The following UMPS variants were observed in gnomAD, a reference collection of about 807,000 sequenced individuals.
UMPS encodes the protein uridine monophosphate synthetase.
Under a neutral mutation model 38.9 loss-of-function variants are expected in UMPS, and 21 were observed. That is an observed-to-expected ratio of 0.54 (90% confidence interval 0.38 to 0.78). UMPS has a LOEUF of 0.78. UMPS is among the 30% of genes least tolerant of loss of function. UMPS has a pLI of 0.00. For synonymous variants in UMPS, 208 were observed against 219.3 expected, an observed-to-expected ratio of 0.95 and a Z score of 0.45; for missense variants, 533 against 591.6, an observed-to-expected ratio of 0.90 and a Z score of 1.03.
rs771969442 is a variant in UMPS at position 124,744,110 on chromosome 3, C to G, written c.*26C>G. 1.2e-5 allele frequency: 20 copies of G among 1,612,914 alleles called. No homozygotes were observed. The highest frequency in any genetic ancestry group is 1.3e-5 in the African/African-American group (1 of 74,870). On this transcript the variant is annotated 3_prime_UTR_variant, in exon 6 of 6. Transcript: ENST00000232607. ...GTGCTTCAGATACATTTTTCAGATA[C>G]AATGTGAAGACATTGAAGATATGTG...
intron 1 of UMPS, among the ~76,000 whole-genome samples, chr3:124,734,707 A>G (rs942917706): frequency 6.6e-6 from 1 of 152,108 alleles, no homozygotes; most frequent in Non-Finnish European, 1.5e-5. Flanking sequence ...ACGTTGTTAC[A>G]TGTTTATACA....
rs1163411928 is a variant in UMPS at position 124,740,064 on chromosome 3, T to C, written c.1023T>C (p.Asn341=). The C allele has an allele frequency of 1.2e-6, 2 of 1,614,194 alleles. No homozygotes were observed. The highest frequency in any genetic ancestry group is 8.5e-7 in the Non-Finnish European group (1 of 1,180,032). ...TAGCTTCCTGGGCAGATCTAGTAAA[T>C]GCTCACGTGGTGCCAGGCTCAGGAG... The part of the protein sequence containing the change: ...FKIASWADLV[N]AHVVPGSGVV... Residue 341 remains asparagine, a synonymous_variant, in exon 4 of 6, where the codon AAT becomes AAC. Transcript: ENST00000232607.
At position 124,747,149 on chromosome 3, in the gene UMPS, C is replaced by T. The variant is rs116880739; in HGVS notation, c.*3065C>T. On this transcript the variant is annotated 3_prime_UTR_variant, in exon 6 of 6. Transcript: ENST00000232607. ...TCTCAAGTAGCTCTCAAGAGCCTCT[C>T]GAGTGGCTGGAACTACAGGCGTGCA... is the stretch of plus-strand genomic sequence containing the variant. 3.0e-4 allele frequency: 136 copies of T among 454,002 alleles called. No homozygotes were observed. In the East Asian group the frequency reaches 6.9e-3, roughly 23 times the overall value. 28.1% of individuals were successfully genotyped at this position (454,002 alleles called of 1,614,324 possible).
intron 3 of UMPS, chr3:124,738,863 C>T (rs1281148762): frequency 6.6e-6 from 1 of 152,662 alleles, no homozygotes; most frequent in Non-Finnish European, 1.5e-5. Flanking sequence ...ACTGCCTATT[C>T]TATGCAAATT....
chr3:124,731,034 A>C (rs905947393), intron 1 of UMPS, among the ~76,000 whole-genome samples: 3 of 152,168 alleles, frequency 2.0e-5, no homozygotes, highest in African/African-American at 7.2e-5. Context: ...GTTCGAGACC[A>C]GCCTGGGCAA....
rs766998702 is a variant in UMPS at position 124,747,252 on chromosome 3, G to A, written c.*3168G>A. Reference sequence around the variant, plus strand: ...TCTCACTGTGACTCAGTGTGTGCCCGACAGCAGAGCCCACACCACTCCAGT... The same window carrying A: ...TCTCACTGTGACTCAGTGTGTGCCCAACAGCAGAGCCCACACCACTCCAGT... On this transcript the variant is annotated 3_prime_UTR_variant, in exon 6 of 6. Transcript: ENST00000232607. 18 of 448,038 alleles carry A rather than the reference G, an allele frequency of 4.0e-5. No individual in the cohort carries two copies. The highest frequency in any genetic ancestry group is 2.0e-4 in the African/African-American group (10 of 48,902). 27.8% of individuals were successfully genotyped at this position (448,038 alleles called of 1,614,324 possible). A position where few individuals can be genotyped will look rare whatever the true frequency, so the allele number is the denominator to read the frequency against.
chr3:124,742,359 A>C, intron 5 of UMPS, 93 bp downstream of exon 5: 1 of 915,790 alleles, frequency 1.1e-6, no homozygotes, highest in South Asian at 1.3e-5. Context: ...ACACTTGCTT[A>C]AGAAAAGCCT....
intron 5 of UMPS, 23 bp from the exon 6 acceptor site, chr3:124,743,892 A>G (rs2063576280): frequency 6.2e-7 from 1 of 1,613,880 alleles, no homozygotes. Flanking sequence ...TATGTGAAAC[A>G]ACAATTTTTG....
At chr3:124,735,902 A>G (rs1052788737) in intron 2 of UMPS, among the ~76,000 whole-genome samples, 1 of 152,186 alleles carries the variant, frequency 6.6e-6, no homozygotes, top group African/African-American at 2.4e-5. Context: ...GCTTGAACCC[A>G]GGAGGTGGAG....
chr3:124,746,106 C>T lies in UMPS; in HGVS notation c.*2022C>T. The T allele has an allele frequency of 2.2e-6, 1 of 454,092 alleles. No homozygotes were observed. Among genetic ancestry groups the T allele is most frequent in the Non-Finnish European group, 4.4e-6 (1 of 226,746 alleles). The allele number at this position is 454,092 out of a possible 1,614,324, so 28.1% of individuals were successfully genotyped here. A position where few individuals can be genotyped will look rare whatever the true frequency, so the allele number is the denominator to read the frequency against. On this transcript the variant is annotated 3_prime_UTR_variant, in exon 6 of 6. Coordinates refer to ENST00000232607, the MANE Select transcript of UMPS (RefSeq NM_000373.4). ...GTGAGACAGCCTTGAGGTCTGCCTC[C>T]TGCTAAGAGTCACATGCTCCTGTCC...
At position 124,749,206 on chromosome 3, in the gene UMPS, G is replaced by GT. The variant is rs1350284229; in HGVS notation, c.*5124dup. 1 of 453,534 alleles carries GT rather than the reference G, an allele frequency of 2.2e-6. No individual in the cohort carries two copies. 28.1% of individuals were successfully genotyped at this position (453,534 alleles called of 1,614,324 possible). A position where few individuals can be genotyped will look rare whatever the true frequency, so the allele number is the denominator to read the frequency against. The stretch of plus-strand genomic sequence containing the variant: ...ATACTTGAAGCAGAGATGATGTTGA[G>GT]TTAAAAAAAATATATACATAAAAAT... On this transcript the variant is annotated 3_prime_UTR_variant, in exon 6 of 6. Transcript: ENST00000232607.
In UMPS at chr3:124,746,792, T is replaced by C. The variant is rs1165728154; in HGVS notation, c.*2708T>C. 3 of 410,228 alleles carry C rather than the reference T, an allele frequency of 7.3e-6. No homozygotes were observed. Among genetic ancestry groups the C allele is most frequent in the Middle Eastern group, 7.9e-4 (1 of 1,258 alleles). The allele number at this position is 410,228 out of a possible 1,614,324, so 25.4% of individuals were successfully genotyped here. ...GTGTGTGTGTGTGTGTGTGTGTGTG[T>C]GTGTGCATGCGCGCGCGTGCGCACT... is the stretch of plus-strand genomic sequence containing the variant. On this transcript the variant is annotated 3_prime_UTR_variant, in exon 6 of 6. Transcript: ENST00000232607.
Position 124,745,732 on chromosome 3 carries a change from GAGA to G in UMPS, c.*1653_*1655del, listed in dbSNP as rs1325147432. On this transcript the variant is annotated 3_prime_UTR_variant, in exon 6 of 6. Transcript: ENST00000232607. ...TGGGGAAGCCAAAAGTCATGAAGGG[GAGA>G]AGAATTTTCTGACAAAAACTTGCAG... The G allele has an allele frequency of 4.4e-6, 2 of 454,096 alleles. No individual in the cohort carries two copies. The highest frequency in any genetic ancestry group is 7.0e-5 in the East Asian group (1 of 14,380). The allele number at this position is 454,096 out of a possible 1,614,324, so 28.1% of individuals were successfully genotyped here.
chr3:124,731,162 C>T (rs185180382), intron 1 of UMPS, among the ~76,000 whole-genome samples: 4 of 152,150 alleles, frequency 2.6e-5, no homozygotes, highest in Admixed American at 2.0e-4. Flanking sequence ...GCTGTCATTG[C>T]GCCACTGCAC....
At position 124,747,161 on chromosome 3, in the gene UMPS, A is replaced by G. The variant is rs2063608258; in HGVS notation, c.*3077A>G. ...CTCAAGAGCCTCTCGAGTGGCTGGA[A>G]CTACAGGCGTGCACCACCACAGCTG... On this transcript the variant is annotated 3_prime_UTR_variant, in exon 6 of 6. Transcript: ENST00000232607. 1 of 453,878 alleles carries G rather than the reference A, an allele frequency of 2.2e-6. No homozygotes were observed. Among genetic ancestry groups the G allele is most frequent in the African/African-American group, 2.0e-5 (1 of 50,000 alleles). The allele number at this position is 453,878 out of a possible 1,614,324, so 28.1% of individuals were successfully genotyped here. A position where few individuals can be genotyped will look rare whatever the true frequency, so the allele number is the denominator to read the frequency against.
intron 5 of UMPS, chr3:124,742,596 AATT>A: frequency 3.9e-6 from 1 of 253,252 alleles, no homozygotes; most frequent in Non-Finnish European, 7.6e-6. Context: ...AAGCCCTAAT[AATT>A]GTTTGACTAG....
Position 124,741,782 on chromosome 3 carries a change from G to A in UMPS, c.1159-370G>A, listed in dbSNP as rs1395647487. On this transcript the variant is annotated intron_variant, in intron 4 of 5. Transcript: ENST00000232607. ...TATGGTTTATTGCGGGAAGGGAAGG[G>A]AAAGGGTCATCTCAGAGTCTTAATG... Among the ~76,000 whole-genome samples the A allele has an allele frequency of 2.6e-5, 4 of 152,160 alleles. No homozygotes were observed. In the East Asian group the frequency reaches 7.7e-4, roughly 29 times the overall value.
At chr3:124,741,162 A>C (rs2063554419) in intron 4 of UMPS, among the ~76,000 whole-genome samples, 1 of 152,172 alleles carries the variant, frequency 6.6e-6, no homozygotes, top group African/African-American at 2.4e-5. Context: ...CAAGTCTCAA[A>C]ATCACAGGGG....
rs1401058934 is a variant in UMPS at position 124,746,071 on chromosome 3, T to C, written c.*1987T>C. The C allele has an allele frequency of 2.2e-6, 1 of 454,036 alleles. No homozygotes were observed. Among genetic ancestry groups the C allele is most frequent in the African/African-American group, 2.0e-5 (1 of 50,022 alleles). The allele number at this position is 454,036 out of a possible 1,614,324, so 28.1% of individuals were successfully genotyped here. ...CCACTTCACTGGTTATTCACATTTC[T>C]GCCTCTGCAGTGAGACAGCCTTGAG... On this transcript the variant is annotated 3_prime_UTR_variant, in exon 6 of 6. Transcript: ENST00000232607.
Sources: gnomAD v4.1 joint callset for allele counts (sites outside exome capture counted in the v4.1 genomes callset) on GRCh38, gnomAD v4.1.1 for gene constraint, MANE v1.5 for transcripts, NCBI Gene and HGNC (gene_info 2026-07-23, HGNC 2026-07-21) for gene names.